The following PRKN variants were observed in gnomAD, a reference collection of about 807,000 sequenced individuals.
The protein encoded by PRKN is E3 ubiquitin-protein ligase parkin.
Under a neutral mutation model 59.5 loss-of-function variants are expected in PRKN, and 56 were observed. The ratio of observed to expected loss-of-function variants is 0.94; its 90% confidence interval spans 0.76 to 1.18. The LOEUF (loss-of-function observed/expected upper bound fraction) is 1.18. Ranked by LOEUF, PRKN falls within the 50% of genes most tolerant of loss-of-function variation. The probability of loss-of-function intolerance (pLI) is 0.00; values close to 1 mark genes in which losing one functional copy is unlikely to be tolerated. For synonymous variants in PRKN, 250 were observed against 222.1 expected (o/e 1.13, Z -1.12); for missense variants, 657 against 596.4 (o/e 1.10, Z -1.06).
In PRKN at chr6:162,279,461, G is replaced by GAGAGA. The variant is rs543563367; in HGVS notation, c.172-16701_172-16697dup. On this transcript the variant is annotated intron_variant, in intron 2 of 11. Coordinates refer to ENST00000366898, the MANE Select transcript of PRKN (RefSeq NM_004562.3). The stretch of plus-strand genomic sequence containing the variant: ...AAAGAAAGAAAGAGACAGAAACAAA[G>GAGAGA]AGAGAAGAGAAGAGAAAAGAAAAGA... Among the ~76,000 whole-genome samples the GAGAGA allele has an allele frequency of 1.6e-4, 24 of 151,154 alleles. 1 individual carries two copies. In the South Asian group the frequency reaches 3.6e-3, roughly 23 times the overall value.
At chr6:162,055,747 G>T (rs1476025082) in intron 4 of PRKN, among the ~76,000 whole-genome samples, 1 of 152,106 alleles carries the variant, frequency 6.6e-6, no homozygotes, top group Non-Finnish European at 1.5e-5. Flanking sequence ...CCCAGCTAGT[G>T]TTTAAGTTGT....
chr6:162,137,911 T>C (rs1307793425), intron 4 of PRKN, among the ~76,000 whole-genome samples: 1 of 152,152 alleles, frequency 6.6e-6, no homozygotes, highest in Non-Finnish European at 1.5e-5. Flanking sequence ...GTTATATATA[T>C]AAAATACATA....
At chr6:162,175,346 G>A (rs1783484224) in intron 4 of PRKN, among the ~76,000 whole-genome samples, 1 of 152,194 alleles carries the variant, frequency 6.6e-6, no homozygotes, top group African/African-American at 2.4e-5. Flanking sequence ...TTTGTTTATT[G>A]CCTTTTATAT....
At position 161,526,931 on chromosome 6, in the gene PRKN, G is replaced by A. The variant is rs1024660670; in HGVS notation, c.1083+21923C>T. Among the ~76,000 whole-genome samples the A allele has an allele frequency of 1.3e-5, 2 of 152,164 alleles. No individual in the cohort carries two copies. Among genetic ancestry groups the A allele is most frequent in the Non-Finnish European group, 2.9e-5 (2 of 68,036 alleles). On this transcript the variant is annotated intron_variant, in intron 9 of 11. Coordinates refer to ENST00000366898, the MANE Select transcript of PRKN (RefSeq NM_004562.3). The surrounding 1 kb of genome is among the most constrained non-coding windows in gnomAD (Gnocchi z 4.1). ...GAATAGAGGTTTGGGGTCTCTGGCT[G>A]GGAGGTGGTGACAGGTTATGGAAAG...
chr6:162,244,379 GA>G (rs559630390), intron 3 of PRKN, among the ~76,000 whole-genome samples: 231 of 149,408 alleles, frequency 1.5e-3, no homozygotes, highest in African/African-American at 5.4e-3. Flanking sequence ...ATTTGACAGG[GA>G]AAAAAAAAGC....
intron 2 of PRKN, among the ~76,000 whole-genome samples, chr6:162,397,325 C>G (rs866379414): frequency 6.6e-6 from 1 of 152,102 alleles, no homozygotes; most frequent in Non-Finnish European, 1.5e-5. Flanking sequence ...CTTCGAGCAC[C>G]TGGATTAAGT....
intron 1 of PRKN, among the ~76,000 whole-genome samples, chr6:162,660,477 T>C (rs1025146571): frequency 2.0e-5 from 3 of 152,200 alleles, no homozygotes; most frequent in African/African-American, 4.8e-5. Flanking sequence ...GAACTGATCC[T>C]TCAAAATAAA....
intron 7 of PRKN, among the ~76,000 whole-genome samples, chr6:161,661,768 A>G (rs1392086053): frequency 6.6e-6 from 1 of 152,216 alleles, no homozygotes; most frequent in African/African-American, 2.4e-5. Flanking sequence ...CCCACGTGTA[A>G]TCACAGCACT....
chr6:161,968,486 G>C (rs918919135), intron 6 of PRKN, among the ~76,000 whole-genome samples: 2 of 152,050 alleles, frequency 1.3e-5, no homozygotes, highest in South Asian at 2.1e-4. Context: ...GTGTCTCCAC[G>C]GTCCCCTTGA....
chr6:162,044,916 A>T (rs1202777416), intron 5 of PRKN, among the ~76,000 whole-genome samples: 1 of 152,222 alleles, frequency 6.6e-6, no homozygotes, highest in African/African-American at 2.4e-5. Context: ...CTATTCACAG[A>T]GGGAAGTCCT....
At chr6:161,731,571 T>C (rs1787712900) in intron 7 of PRKN, among the ~76,000 whole-genome samples, 1 of 152,354 alleles carries the variant, frequency 6.6e-6, no homozygotes, top group East Asian at 1.9e-4. Context: ...GCATTTTGAA[T>C]GTTTGTTTAT....
intron 1 of PRKN, among the ~76,000 whole-genome samples, chr6:162,605,936 T>C (rs1307930817): frequency 6.6e-6 from 1 of 152,178 alleles, no homozygotes; most frequent in East Asian, 1.9e-4. Context: ...AATTTGACTA[T>C]ATTCAGTGAC....
chr6:161,842,799 C>T (rs531643020), intron 6 of PRKN, among the ~76,000 whole-genome samples: 34 of 152,216 alleles, frequency 2.2e-4, no homozygotes, highest in Non-Finnish European at 3.7e-4. Flanking sequence ...CTGCCCTCCT[C>T]GGCCTCCCAA....
intron 6 of PRKN, among the ~76,000 whole-genome samples, chr6:161,969,569 C>T (rs901105491): frequency 2.0e-5 from 3 of 151,992 alleles, no homozygotes; most frequent in African/African-American, 7.2e-5. Flanking sequence ...GCATAACAGG[C>T]CTGTCTGACC....
intron 1 of PRKN, among the ~76,000 whole-genome samples, chr6:162,720,696 C>T (rs1453314552): frequency 3.3e-5 from 5 of 151,412 alleles, no homozygotes; most frequent in African/African-American, 1.2e-4. Context: ...ATGATCCACC[C>T]GCCTCGGCCT....
intron 4 of PRKN, among the ~76,000 whole-genome samples, chr6:162,118,468 A>G (rs1780769973): frequency 6.6e-6 from 1 of 152,194 alleles, no homozygotes; most frequent in Non-Finnish European, 1.5e-5. Flanking sequence ...AGCATACTAC[A>G]TTTTTAAAAT....
At chr6:161,798,011 C>T (rs2128209823) in intron 6 of PRKN, among the ~76,000 whole-genome samples, 1 of 152,268 alleles carries the variant, frequency 6.6e-6, no homozygotes, top group Admixed American at 6.5e-5. Flanking sequence ...ACCATTCTGG[C>T]TAACATGGTG....
chr6:161,946,468 C>T lies in PRKN; in HGVS notation c.734+26834G>A, dbSNP rs142244872. On this transcript the variant is annotated intron_variant, in intron 6 of 11. Transcript: ENST00000366898. ...CTCTCTCTCAATACAAAAGAGACAG[C>T]GCTAACCCTGTCTTGAATCCATAGA... Among the ~76,000 whole-genome samples the T allele has an allele frequency of 1.2e-3, 177 of 149,224 alleles. 2 individuals are homozygous for T. Among genetic ancestry groups the T allele is most frequent in the Admixed American group, 0.011 (170 of 14,916 alleles).
At chr6:161,601,669 G>A (rs11962263) in intron 7 of PRKN, among the ~76,000 whole-genome samples, 4,161 of 149,704 alleles carry the variant, frequency 0.028, 146 homozygotes, top group African/African-American at 0.085. Flanking sequence ...TGCAAGCTCC[G>A]CCTCCCAGGT....
Sources: gnomAD v4.1 joint callset for allele counts (sites outside exome capture counted in the v4.1 genomes callset) on GRCh38, gnomAD v4.1.1 for gene constraint, Gnocchi (gnomAD v3.1) non-coding constraint, MANE v1.5 for transcripts, NCBI Gene and HGNC (gene_info 2026-07-23, HGNC 2026-07-21) for gene names.